SEPTIN14: variants seen among roughly 807,000 people sequenced by gnomAD.
SEPTIN14 encodes septin-14.
A neutral mutation model predicts 53.6 loss-of-function variants in SEPTIN14; 40 were observed. The observed-to-expected ratio is 0.75, with a 90% CI of 0.58 to 0.97. The LOEUF (loss-of-function observed/expected upper bound fraction) is 0.97. SEPTIN14 is among the 50% of genes least tolerant of loss of function. The pLI, the probability that SEPTIN14 is intolerant of heterozygous loss-of-function variation, is 0.00. For synonymous variants in SEPTIN14, 138 were observed against 166.8 expected (o/e 0.83, Z 1.33); for missense variants, 471 against 508.2 (o/e 0.93, Z 0.70).
chr7:55,827,907 G>A (rs962474956), intron 6 of SEPTIN14, among the ~76,000 whole-genome samples: 1 of 151,988 alleles, frequency 6.6e-6, no homozygotes, highest in African/African-American at 2.4e-5. Flanking sequence ...CCCAATATAT[G>A]CTGTAGTTAC....
At chr7:55,803,723 G>C (rs1463819986) in intron 9 of SEPTIN14, among the ~76,000 whole-genome samples, 1 of 152,166 alleles carries the variant, frequency 6.6e-6, no homozygotes, top group Non-Finnish European at 1.5e-5. Flanking sequence ...AAAGAAAAAA[G>C]AAGCAGACGT....
chr7:55,807,094 C>T lies in SEPTIN14; in HGVS notation c.982G>A (p.Val328Ile). The change falls in exon 8 of 10, where the codon GTT becomes ATT. Residue 328 changes from valine to isoleucine, a missense_variant. Coordinates refer to ENST00000388975, the MANE Select transcript of SEPTIN14 (RefSeq NM_207366.3). ...FTDVGPNNQP[V>I]SFQEIFEAKR... ...GCTAGCAATATTTTTACTCACCTAA[C>T]TGGCTGGTTGTTTGGACCCACATCT... 1.9e-6 allele frequency: 3 copies of T among 1,585,110 alleles called. No homozygotes were observed. The highest frequency in any genetic ancestry group is 2.6e-6 in the Non-Finnish European group (3 of 1,171,324).
At chr7:55,824,920 C>T (rs1453235373) in intron 6 of SEPTIN14, among the ~76,000 whole-genome samples, 2 of 151,160 alleles carry the variant, frequency 1.3e-5, no homozygotes, top group African/African-American at 4.9e-5. Flanking sequence ...ATGGCAGTAA[C>T]CACATCGTAA....
chr7:55,810,957 T>C, intron 7 of SEPTIN14: 1 of 415,560 alleles, frequency 2.4e-6, no homozygotes, highest in Non-Finnish European at 4.7e-6. Context: ...GCCTTTTCCT[T>C]GTACAGACTG....
chr7:55,857,099 G>A (rs971279743), intron 2 of SEPTIN14, among the ~76,000 whole-genome samples: 43 of 151,748 alleles, frequency 2.8e-4, no homozygotes, highest in African/African-American at 9.7e-4. Context: ...CAGGATGGGC[G>A]TGGTGGCTTA....
At chr7:55,837,123 TG>T (rs1355874678) in intron 5 of SEPTIN14, among the ~76,000 whole-genome samples, 1 of 148,788 alleles carries the variant, frequency 6.7e-6, no homozygotes, top group Non-Finnish European at 1.5e-5. Context: ...TTTTTTTTTT[TG>T]AGAGAGAGAG....
intron 6 of SEPTIN14, among the ~76,000 whole-genome samples, chr7:55,821,729 T>C (rs759991061): frequency 6.6e-6 from 1 of 152,230 alleles, no homozygotes; most frequent in African/African-American, 2.4e-5. Flanking sequence ...GCAATTTATA[T>C]GGCTTTACAA....
chr7:55,860,746 G>A (rs945318864), intron 2 of SEPTIN14, among the ~76,000 whole-genome samples: 1 of 152,106 alleles, frequency 6.6e-6, no homozygotes, highest in African/African-American at 2.4e-5. Context: ...CACATGAATA[G>A]GACTAGTGCT....
At chr7:55,807,618 A>G (rs1788630045) in intron 7 of SEPTIN14, among the ~76,000 whole-genome samples, 1 of 152,204 alleles carries the variant, frequency 6.6e-6, no homozygotes, top group South Asian at 2.1e-4. Flanking sequence ...ATGTAATATA[A>G]CATCACTAGT....
chr7:55,820,691 G>C (rs1788877011), intron 6 of SEPTIN14, among the ~76,000 whole-genome samples: 1 of 152,088 alleles, frequency 6.6e-6, no homozygotes, highest in South Asian at 2.1e-4. Flanking sequence ...TATAATCCTA[G>C]CACTTTGGGA....
Position 55,843,058 on chromosome 7 carries a change from G to A in SEPTIN14, c.442C>T (p.Arg148Cys), listed in dbSNP as rs147445514. 17 of 1,607,852 alleles carry A rather than the reference G, an allele frequency of 1.1e-5. No individual in the cohort carries two copies. The African/African-American group carries it at 1.2e-4, about 11-fold the overall frequency. ...AYLQEELKIK[R>C]SLFEYHDSRV... ...GAATCATGGTACTCAAACAAGGAACGTTTAATCTTCAGTTCTTCTTGAAGA... is the reference window on the plus strand; with the variant it reads ...GAATCATGGTACTCAAACAAGGAACATTTAATCTTCAGTTCTTCTTGAAGA... Residue 148 changes from arginine (R) to cysteine (C), a missense_variant, in exon 5 of 10, where the codon CGT becomes TGT. Physicochemically the swap from Arg to Cys is radical, Grantham distance 180. Transcript: ENST00000388975.
In SEPTIN14 at chr7:55,843,030, C is replaced by G; in HGVS notation, c.470G>C (p.Arg157Pro). 1 of 1,597,144 alleles carries G rather than the reference C, an allele frequency of 6.3e-7. No homozygotes were observed. Among genetic ancestry groups the G allele is most frequent in the Non-Finnish European group, 8.5e-7 (1 of 1,171,234 alleles). The change falls in exon 5 of 10, where the codon CGC becomes CCC. Residue 157 changes from arginine (R) to proline (P), a missense_variant. Arg to Pro is a moderately radical substitution (Grantham distance 103, BLOSUM62 -2). Coordinates refer to ENST00000388975, the MANE Select transcript of SEPTIN14 (RefSeq NM_207366.3). ...KRSLFEYHDSRVHVCLYFISP... is the reference protein window; with the variant it reads ...KRSLFEYHDSPVHVCLYFISP... The stretch of plus-strand genomic sequence containing the variant: ...AATGAAGTAAAGACACACGTGGACG[C>G]GAGAATCATGGTACTCAAACAAGGA...
At chr7:55,812,071 AGGCATGAGCCACCGTGTCT>A (rs1288568634) in intron 7 of SEPTIN14, among the ~76,000 whole-genome samples, 2 of 152,218 alleles carry the variant, frequency 1.3e-5, no homozygotes, top group Admixed American at 1.3e-4. Context: ...CTGGGATTAC[AGGCATGAGCCACCGTGTCT>A]GGCCAAGTTT....
chr7:55,846,069 A>G (rs1479457517), intron 3 of SEPTIN14, among the ~76,000 whole-genome samples: 1 of 108,274 alleles, frequency 9.2e-6, no homozygotes, highest in Non-Finnish European at 2.0e-5. Flanking sequence ...AAAAAAGTAT[A>G]TATATATATA....
chr7:55,828,589 C>A (rs1214986240), intron 6 of SEPTIN14, among the ~76,000 whole-genome samples: 1 of 152,096 alleles, frequency 6.6e-6, no homozygotes, highest in East Asian at 1.9e-4. Flanking sequence ...CAGGCGTGAG[C>A]CACTGCACCC....
chr7:55,851,916 G>A (rs1289438794), intron 2 of SEPTIN14, among the ~76,000 whole-genome samples: 2 of 152,132 alleles, frequency 1.3e-5, no homozygotes, highest in Non-Finnish European at 2.9e-5. Context: ...GCTGAGGCGG[G>A]TGGATCATGA....
At chr7:55,842,608 CAAA>C (rs58014204) in intron 5 of SEPTIN14, among the ~76,000 whole-genome samples, 1 of 125,846 alleles carries the variant, frequency 7.9e-6, no homozygotes, top group Admixed American at 8.1e-5. Context: ...GCCTCAAATA[CAAA>C]AAAAAAAAAA....
rs141421170 is a variant in SEPTIN14, at chr7:55,813,472, G to T, written c.817+5655C>A. On this transcript the variant is annotated intron_variant, in intron 7 of 9. Coordinates refer to ENST00000388975, the MANE Select transcript of SEPTIN14 (RefSeq NM_207366.3). ...AATAGGAATGCGTGTGACCCAGCAAGACACCAGTTTTGGTGGCCAAGGAGT... is the reference window on the plus strand; with the variant it reads ...AATAGGAATGCGTGTGACCCAGCAATACACCAGTTTTGGTGGCCAAGGAGT... Among the ~76,000 whole-genome samples, 145 of 152,226 alleles carry T rather than the reference G, an allele frequency of 9.5e-4. 2 individuals are homozygous for T. Among genetic ancestry groups the T allele is most frequent in the African/African-American group, 3.3e-3 (138 of 41,536 alleles).
In SEPTIN14 at chr7:55,794,099, G is replaced by A. The variant is rs547795767; in HGVS notation, c.*1814C>T. 4.2e-4 allele frequency: 64 copies of A among 152,100 alleles called. No homozygotes were observed. Among genetic ancestry groups the A allele is most frequent in the African/African-American group, 1.5e-3 (61 of 41,526 alleles). The allele number at this position is 152,100 out of a possible 1,614,324, so 9.4% of individuals were successfully genotyped here. A position where few individuals can be genotyped will look rare whatever the true frequency, so the allele number is the denominator to read the frequency against. On this transcript the variant is annotated 3_prime_UTR_variant, in exon 10 of 10. Coordinates refer to ENST00000388975, the MANE Select transcript of SEPTIN14 (RefSeq NM_207366.3). ...GTATCATATAATATCATGTTTTATAGCTCTTGGAAAATAGAAAATAAAATG... is the reference window on the plus strand; with the variant it reads ...GTATCATATAATATCATGTTTTATAACTCTTGGAAAATAGAAAATAAAATG...
Sources: allele counts gnomAD v4.1 joint callset (sites outside exome capture counted in the v4.1 genomes callset), GRCh38; gene constraint gnomAD v4.1.1; transcripts MANE v1.5; gene names NCBI Gene and HGNC (gene_info 2026-07-23, HGNC 2026-07-21).